The following PTER variants were observed in gnomAD, a reference collection of about 807,000 sequenced individuals.
The protein encoded by PTER is N-acetyltaurine hydrolase.
A neutral mutation model predicts 29.6 loss-of-function variants in PTER; 38 were observed. The observed-to-expected ratio is 1.28, with a 90% CI of 0.99 to 1.68. The LOEUF (loss-of-function observed/expected upper bound fraction) is 1.68. PTER is among the 40% of genes most tolerant of loss of function. PTER has a pLI of 0.00. For synonymous variants in PTER, 172 were observed against 154.5 expected, an observed-to-expected ratio of 1.11 and a Z score of -0.84; for missense variants, 482 against 427.8, an observed-to-expected ratio of 1.13 and a Z score of -1.12.
At chr10:16,466,310 T>C (rs1281838805) in intron 1 of PTER, among the ~76,000 whole-genome samples, 1 of 151,974 alleles carries the variant, frequency 6.6e-6, no homozygotes, top group Non-Finnish European at 1.5e-5. Context: ...CTTTTTTTTT[T>C]TTTTACACCA....
At chr10:16,441,773 C>A (rs927270428) in intron 1 of PTER, among the ~76,000 whole-genome samples, 3 of 152,216 alleles carry the variant, frequency 2.0e-5, no homozygotes, top group African/African-American at 7.2e-5. Context: ...TGGCAGTATT[C>A]ATAAATAGCC....
At chr10:16,440,347 G>A (rs941531774) in intron 1 of PTER, among the ~76,000 whole-genome samples, 4 of 151,542 alleles carry the variant, frequency 2.6e-5, no homozygotes, top group Non-Finnish European at 4.4e-5. Context: ...CACCACGCCC[G>A]GCCCTTAATA....
chr10:16,462,657 G>A (rs865967538), intron 1 of PTER, among the ~76,000 whole-genome samples: 6 of 149,414 alleles, frequency 4.0e-5, no homozygotes, highest in East Asian at 4.1e-4. Context: ...TGTAGACTCC[G>A]GCTCCCAGGT....
At chr10:16,437,851 C>T (rs894121117) in intron 1 of PTER, among the ~76,000 whole-genome samples, 1 of 152,190 alleles carries the variant, frequency 6.6e-6, no homozygotes, top group Non-Finnish European at 1.5e-5. Flanking sequence ...CTCTCTTAGA[C>T]TACCTCATTC....
chr10:16,486,840 C>T, intron 3 of PTER: 1 of 505,264 alleles, frequency 2.0e-6, no homozygotes, highest in Non-Finnish European at 3.4e-6. Context: ...AGGTATTTCA[C>T]ATAAGATATT....
At chr10:16,440,388 T>C (rs918616436) in intron 1 of PTER, among the ~76,000 whole-genome samples, 3 of 151,920 alleles carry the variant, frequency 2.0e-5, no homozygotes, top group African/African-American at 7.3e-5. Context: ...TTCTCATTCA[T>C]AGACATCATC....
chr10:16,453,002 A>T (rs1241691477), intron 1 of PTER, among the ~76,000 whole-genome samples: 1 of 152,186 alleles, frequency 6.6e-6, no homozygotes, highest in African/African-American at 2.4e-5. Context: ...TGCCTGCCTC[A>T]GCCTCCCAAA....
At chr10:16,517,149 G>A (rs1836964301), downstream of PTER, among the ~76,000 whole-genome samples, 1 of 152,084 alleles carries the variant, frequency 6.6e-6, no homozygotes, top group Admixed American at 6.5e-5. Context: ...ATTCTGTCTG[G>A]GAATAAGATC....
chr10:16,514,736 C>A (rs773264940), downstream of PTER: 17 of 1,545,112 alleles, frequency 1.1e-5, no homozygotes, highest in Non-Finnish European at 1.5e-5. Context: ...AATTAGGATG[C>A]GTAAATGAGA....
chr10:16,505,513 CCA>C (rs1438714386), intron 4 of PTER, among the ~76,000 whole-genome samples: 1 of 152,170 alleles, frequency 6.6e-6, no homozygotes, highest in Non-Finnish European at 1.5e-5. Flanking sequence ...CTCAGGTTGA[CCA>C]CACTAAAGCC....
chr10:16,482,180 T>A (rs1342239291), intron 1 of PTER, among the ~76,000 whole-genome samples: 1 of 152,210 alleles, frequency 6.6e-6, no homozygotes, highest in East Asian at 1.9e-4. Flanking sequence ...AAATCCATCA[T>A]TTATGCCTTA....
chr10:16,440,809 T>A lies in PTER; in HGVS notation c.-49+3762T>A, dbSNP rs199609077. ...CGTATTCGATGAGCTAGAAATAAAC[T>A]TTTGTTGTGGTCAGACCCTGAGATT... On this transcript the variant is annotated intron_variant, in intron 1 of 4. Transcript: ENST00000535784. Among the ~76,000 whole-genome samples the A allele has an allele frequency of 3.7e-4, 57 of 152,338 alleles. 1 individual carries two copies. In the East Asian group the frequency reaches 7.5e-3, roughly 20 times the overall value.
At chr10:16,443,967 G>A (rs1219798704) in intron 1 of PTER, among the ~76,000 whole-genome samples, 2 of 151,484 alleles carry the variant, frequency 1.3e-5, no homozygotes, top group Non-Finnish European at 2.9e-5. Context: ...AAAGGTCTGT[G>A]AGAAAAGATG....
intron 1 of PTER, among the ~76,000 whole-genome samples, chr10:16,471,546 A>G (rs1313023167): frequency 1.3e-5 from 2 of 152,210 alleles, no homozygotes; most frequent in Non-Finnish European, 2.9e-5. Context: ...AGTCCTATTT[A>G]TGTGTAGATA....
chr10:16,468,620 A>G (rs954101619), intron 1 of PTER, among the ~76,000 whole-genome samples: 1 of 152,140 alleles, frequency 6.6e-6, no homozygotes, highest in South Asian at 2.1e-4. Flanking sequence ...GGAACTGAGG[A>G]CTGAGAGGCA....
At chr10:16,473,243 C>T (rs1835120957) in intron 1 of PTER, among the ~76,000 whole-genome samples, 1 of 151,912 alleles carries the variant, frequency 6.6e-6, no homozygotes, top group Non-Finnish European at 1.5e-5. Context: ...TCTGCCCACC[C>T]CACCTCTAAC....
chr10:16,501,597 T>A (rs1199308174), intron 3 of PTER, among the ~76,000 whole-genome samples: 1 of 152,222 alleles, frequency 6.6e-6, no homozygotes, highest in Non-Finnish European at 1.5e-5. Flanking sequence ...TACTACCCTT[T>A]GATGGTAAAT....
At chr10:16,460,689 T>C (rs1471102270) in intron 1 of PTER, among the ~76,000 whole-genome samples, 1 of 152,202 alleles carries the variant, frequency 6.6e-6, no homozygotes, top group African/African-American at 2.4e-5. Context: ...TTAAGAAATG[T>C]ATTAAAATTA....
At chr10:16,478,335 G>GTTTTTT (rs34168657) in intron 1 of PTER, among the ~76,000 whole-genome samples, 1 of 140,250 alleles carries the variant, frequency 7.1e-6, no homozygotes. Flanking sequence ...CCTCGTTTCC[G>GTTTTTT]TTTTTTTTTT....
Sources: gnomAD v4.1 joint callset for allele counts (sites outside exome capture counted in the v4.1 genomes callset) on GRCh38, gnomAD v4.1.1 for gene constraint, MANE v1.5 for transcripts, NCBI Gene and HGNC (gene_info 2026-07-23, HGNC 2026-07-21) for gene names.